The following TRPM3 variants were observed in gnomAD, a reference collection of about 807,000 sequenced individuals.
TRPM3 encodes long transient receptor potential channel 3.
In TRPM3, 77 loss-of-function variants were observed where a neutral mutation model predicts 181.2. The observed-to-expected ratio is 0.42, with a 90% confidence interval of 0.35 to 0.51. The LOEUF (loss-of-function observed/expected upper bound fraction) is 0.51, where lower values mean the gene tolerates loss of function less well. Among genes scored for constraint, TRPM3 ranks in the 20% least tolerant of loss-of-function variants. The probability of loss-of-function intolerance (pLI) is 0.01; values close to 1 mark genes in which losing one functional copy is unlikely to be tolerated. For synonymous variants in TRPM3, 745 were observed against 796.4 expected, an observed-to-expected ratio of 0.94 and a Z score of 1.09; for missense variants, 1,759 against 2,196.7, an observed-to-expected ratio of 0.80 and a Z score of 3.98.
chr9:71,028,986 T>G (rs1054860870), intron 1 of TRPM3, among the ~76,000 whole-genome samples: 4 of 152,196 alleles, frequency 2.6e-5, no homozygotes, highest in Admixed American at 2.0e-4. Context: ...ATTCTTTTCA[T>G]TGCCACATGG....
intron 1 of TRPM3, among the ~76,000 whole-genome samples, chr9:71,385,213 A>G (rs1448013755): frequency 2.0e-5 from 3 of 152,202 alleles, no homozygotes; most frequent in African/African-American, 4.8e-5. Context: ...TAACACCTCC[A>G]TATTTGTCTC....
chr9:70,537,006 A>G lies in TRPM3; in HGVS notation c.4107T>C (p.Phe1369=). 7 of 1,609,978 alleles carry G rather than the reference A, an allele frequency of 4.3e-6. No homozygotes were observed. The highest frequency in any genetic ancestry group is 5.9e-6 in the Non-Finnish European group (7 of 1,176,690). ...GGTGTAGGCTCAGGGACCTTTCTTT[A>G]AAAATACTTTCCAACTTTTCTATAC... ...KGGIEKLESI[F]KERSLSLHRA... is the part of the protein sequence containing the mutation. Residue 1369 remains phenylalanine, a synonymous_variant, in exon 26 of 26, where the codon TTT becomes TTC. Transcript: ENST00000677713.
intron 22 of TRPM3, 116 bp downstream of exon 22, chr9:70,590,915 A>G: frequency 1.5e-6 from 2 of 1,379,306 alleles, no homozygotes; most frequent in Non-Finnish European, 2.0e-6. Context: ...CAAGCTAGGA[A>G]TCAGTCCTCT....
intron 3 of TRPM3, among the ~76,000 whole-genome samples, chr9:70,859,389 C>A (rs968819988): frequency 2.0e-5 from 3 of 152,102 alleles, no homozygotes; most frequent in Admixed American, 6.5e-5. Context: ...TTGTAATATA[C>A]ATACAGTATA....
At chr9:71,411,992 T>C (rs1199020760) in intron 1 of TRPM3, among the ~76,000 whole-genome samples, 1 of 151,918 alleles carries the variant, frequency 6.6e-6, no homozygotes, top group Non-Finnish European at 1.5e-5. Context: ...AAACAAGAAA[T>C]GGGGAAAGGA....
chr9:70,700,076 G>A (rs938780019), intron 8 of TRPM3, among the ~76,000 whole-genome samples: 4 of 152,100 alleles, frequency 2.6e-5, no homozygotes, highest in Non-Finnish European at 4.4e-5. Context: ...TCCGCCTCCC[G>A]GGTTCAAGCG....
chr9:70,940,710 T>C (rs1313936537), intron 1 of TRPM3, among the ~76,000 whole-genome samples: 2 of 152,192 alleles, frequency 1.3e-5, no homozygotes, highest in Non-Finnish European at 2.9e-5. Flanking sequence ...GAGATGGCAT[T>C]GGAACTAACA....
At chr9:71,028,362 C>T (rs978115417) in intron 1 of TRPM3, among the ~76,000 whole-genome samples, 16 of 152,208 alleles carry the variant, frequency 1.1e-4, no homozygotes, top group Non-Finnish European at 1.8e-4. Flanking sequence ...ACTACAAAAA[C>T]GCACCTACAC....
intron 1 of TRPM3, among the ~76,000 whole-genome samples, chr9:71,038,670 G>C (rs1183035654): frequency 6.6e-6 from 1 of 152,118 alleles, no homozygotes; most frequent in Non-Finnish European, 1.5e-5. Flanking sequence ...GTCAGGCACA[G>C]TGTTAGAAGC....
intron 1 of TRPM3, among the ~76,000 whole-genome samples, chr9:70,980,055 A>G (rs995968879): frequency 7.8e-6 from 1 of 128,734 alleles, no homozygotes; most frequent in South Asian, 2.7e-4. Flanking sequence ...ATGTGTGGCC[A>G]TGCATGTGCG....
chr9:71,126,861 G>A (rs143483960), intron 1 of TRPM3, among the ~76,000 whole-genome samples: 2,484 of 152,272 alleles, frequency 0.016, 49 homozygotes, highest in South Asian at 0.072. Context: ...TTCCATGATT[G>A]TACAGTTCTG....
At chr9:70,683,344 T>C (rs1292005335) in intron 8 of TRPM3, among the ~76,000 whole-genome samples, 2 of 151,534 alleles carry the variant, frequency 1.3e-5, no homozygotes, top group Non-Finnish European at 2.9e-5. Flanking sequence ...TTCAGCCTCC[T>C]GAGTAGCTGA....
chr9:71,253,643 G>C (rs2082490821), intron 1 of TRPM3, among the ~76,000 whole-genome samples: 1 of 152,026 alleles, frequency 6.6e-6, no homozygotes, highest in Admixed American at 6.6e-5. Flanking sequence ...ATAGTATAGA[G>C]GTTCCTCAAA....
In TRPM3 at chr9:70,536,837, T is replaced by C. The variant is rs192368291; in HGVS notation, c.4276A>G (p.Ile1426Val). 8.7e-6 allele frequency: 14 copies of C among 1,614,190 alleles called. No individual in the cohort carries two copies. The African/African-American group carries it at 1.1e-4, about 12-fold the overall frequency. ...TTCACGGAATTGTCCAGAGGGTCTA[T>C]ATCACAGTGGAGCTCATCCATAGCA... is the stretch of plus-strand genomic sequence containing the variant. ...VSAMDELHCD[I>V]DPLDNSVNIL... Residue 1426 changes from isoleucine (I) to valine (V), a missense_variant, in exon 26 of 26, where the codon ATA becomes GTA. Ile to Val is a conservative substitution (Grantham distance 29). Transcript: ENST00000677713.
chr9:70,892,959 A>T (rs1281573727), intron 1 of TRPM3, among the ~76,000 whole-genome samples: 1 of 152,200 alleles, frequency 6.6e-6, no homozygotes, highest in Non-Finnish European at 1.5e-5. Flanking sequence ...TTGAGAAAAT[A>T]CCATCTACTC....
chr9:71,186,864 A>G (rs768604159), intron 1 of TRPM3, among the ~76,000 whole-genome samples: 29 of 152,164 alleles, frequency 1.9e-4, no homozygotes, highest in Non-Finnish European at 3.5e-4. Flanking sequence ...CGTTATGTCA[A>G]CTCATCTATG....
At chr9:70,679,354 A>G (rs2064848986) in intron 9 of TRPM3, among the ~76,000 whole-genome samples, 1 of 152,252 alleles carries the variant, frequency 6.6e-6, no homozygotes, top group Admixed American at 6.5e-5. Flanking sequence ...ACTATTCTAT[A>G]ATGCAATGAA....
At chr9:70,858,369 T>G (rs1352108702) in intron 3 of TRPM3, among the ~76,000 whole-genome samples, 2 of 152,116 alleles carry the variant, frequency 1.3e-5, no homozygotes, top group Non-Finnish European at 2.9e-5. Context: ...TTCTACAAAC[T>G]GTGTGCCAGT....
intron 1 of TRPM3, among the ~76,000 whole-genome samples, chr9:71,342,146 T>C (rs1328223283): frequency 6.7e-6 from 1 of 150,334 alleles, no homozygotes; most frequent in Non-Finnish European, 1.5e-5. Context: ...AACAGACACT[T>C]TTAAATATCA....
Sources: allele counts gnomAD v4.1 joint callset (sites outside exome capture counted in the v4.1 genomes callset), GRCh38; gene constraint gnomAD v4.1.1; transcripts MANE v1.5; gene names NCBI Gene and HGNC (gene_info 2026-07-23, HGNC 2026-07-21).